Variants in PHF20L1 observed in about 807,000 individuals in gnomAD.
The protein encoded by PHF20L1 is PHD finger protein 20 like 1.
In PHF20L1, 44 loss-of-function variants were observed where a neutral mutation model predicts 125.5. That is an observed-to-expected ratio of 0.35 (90% confidence interval 0.28 to 0.45). The LOEUF is 0.45. Ranked by LOEUF, PHF20L1 falls within the 20% of genes least tolerant of loss-of-function variation. The probability of loss-of-function intolerance (pLI) is 1.00; values close to 1 mark genes in which losing one functional copy is unlikely to be tolerated. For missense variants in PHF20L1, 1,012 were observed against 1,217.2 expected (o/e 0.83, Z 2.51); for synonymous variants, 380 against 403.1 (o/e 0.94, Z 0.69).
chr8:132,829,389 A>C (rs557898549), intron 14 of PHF20L1, among the ~76,000 whole-genome samples: 1 of 152,214 alleles, frequency 6.6e-6, no homozygotes, highest in South Asian at 2.1e-4. Context: ...ATAAATGGTA[A>C]TTGATAGTTT....
At chr8:132,818,180 T>C (rs1294307451) in intron 12 of PHF20L1, 1 of 151,984 alleles carries the variant, frequency 6.6e-6, no homozygotes, top group Admixed American at 6.6e-5. Context: ...TTCCCTTATG[T>C]GGGTGCATTG....
intron 12 of PHF20L1, among the ~76,000 whole-genome samples, chr8:132,820,470 G>C (rs186242427): frequency 1.8e-4 from 27 of 151,916 alleles, no homozygotes; most frequent in Non-Finnish European, 2.9e-4. Context: ...GGGACACAAA[G>C]CTAATAACTG....
chr8:132,814,110 G>A (rs987486464), intron 9 of PHF20L1, among the ~76,000 whole-genome samples: 6 of 151,742 alleles, frequency 4.0e-5, no homozygotes, highest in Non-Finnish European at 8.8e-5. Flanking sequence ...ATGAGTTAAA[G>A]ATAATGTTTT....
At chr8:132,817,196 A>G (rs1332082366) in intron 11 of PHF20L1, 120 bp downstream of exon 11, 1 of 890,710 alleles carries the variant, frequency 1.1e-6, no homozygotes, top group African/African-American at 1.7e-5. Flanking sequence ...AGTTATAAGC[A>G]CTTCACTTAT....
intron 4 of PHF20L1, among the ~76,000 whole-genome samples, chr8:132,797,564 A>G (rs1832550263): frequency 6.6e-6 from 1 of 152,080 alleles, no homozygotes; most frequent in Non-Finnish European, 1.5e-5. Context: ...GAAGACAGAA[A>G]GTTGCAGGAA....
chr8:132,810,380 A>T (rs1392180705), intron 8 of PHF20L1: 1 of 152,122 alleles, frequency 6.6e-6, no homozygotes, highest in African/African-American at 2.4e-5. Context: ...AGTGACATAC[A>T]TAGAAGAAAA....
intron 14 of PHF20L1, among the ~76,000 whole-genome samples, chr8:132,828,922 T>G (rs766585556): frequency 1.2e-4 from 19 of 152,036 alleles, no homozygotes; most frequent in Non-Finnish European, 1.6e-4. Flanking sequence ...GTAAGAGAGA[T>G]AAGCATACAT....
At chr8:132,800,365 T>G (rs1254381876) in intron 6 of PHF20L1, among the ~76,000 whole-genome samples, 1 of 151,698 alleles carries the variant, frequency 6.6e-6, no homozygotes, top group Admixed American at 6.6e-5. Context: ...TTATAATTCT[T>G]AATCACAGCA....
chr8:132,836,774 G>GC lies in PHF20L1; in HGVS notation c.2091+54dup. 3 of 1,269,564 alleles carry GC rather than the reference G, an allele frequency of 2.4e-6. No individual in the cohort carries two copies. The Admixed American group carries it at 5.5e-5, about 23-fold the overall frequency. 78.6% of individuals were successfully genotyped at this position (1,269,564 alleles called of 1,614,324 possible). A position where few individuals can be genotyped will look rare whatever the true frequency, so the allele number is the denominator to read the frequency against. ...ATGAGTTAGTTGTTTCAGGTGCTCA[G>GC]CAAATGCATCACGGTGTTTTATTTC... On this transcript the variant is annotated intron_variant, in intron 16 of 20. Transcript: ENST00000395386.
chr8:132,816,006 A>G (rs936504821), intron 10 of PHF20L1: 3 of 151,876 alleles, frequency 2.0e-5, no homozygotes, highest in African/African-American at 4.8e-5. Context: ...AGTTATCAGC[A>G]TGTCTTTTTC....
At chr8:132,816,767 G>A in intron 10 of PHF20L1, 121 bp from the exon 11 acceptor site, 1 of 690,766 alleles carries the variant, frequency 1.4e-6, no homozygotes. Flanking sequence ...ATTCCTTGTG[G>A]ATATCTTATA....
chr8:132,832,957 C>A (rs1188159211), intron 15 of PHF20L1, among the ~76,000 whole-genome samples: 2 of 152,064 alleles, frequency 1.3e-5, no homozygotes, highest in South Asian at 4.1e-4. Context: ...GCCACGTCAG[C>A]AGTGAAGGGA....
chr8:132,810,933 T>A, intron 8 of PHF20L1, 113 bp from the exon 9 acceptor site: 1 of 726,968 alleles, frequency 1.4e-6, no homozygotes, highest in Non-Finnish European at 2.5e-6. Context: ...TGAGATTACT[T>A]CCTACGTATT....
intron 8 of PHF20L1, among the ~76,000 whole-genome samples, chr8:132,805,732 C>G (rs1049836528): frequency 6.6e-6 from 1 of 151,866 alleles, no homozygotes; most frequent in African/African-American, 2.4e-5. Flanking sequence ...GACTCTGGAG[C>G]TGAGGATTGT....
rs756315628 is a variant in PHF20L1 at position 132,837,817 on chromosome 8, G to T, written c.2191+6G>T. 2.5e-6 allele frequency: 4 copies of T among 1,599,584 alleles called. No homozygotes were observed. The East Asian group carries it at 6.7e-5, about 27-fold the overall frequency. On this transcript the variant is annotated splice_donor_region_variant and intron_variant, in intron 17 of 20. Coordinates refer to ENST00000395386, the MANE Select transcript of PHF20L1 (RefSeq NM_016018.5). Reference sequence around the variant, plus strand: ...TATCTGCCGGGACCCACCAGGTAAGGCTTTCTGTGCCGTGCTGATTGCCAG... The same window carrying T: ...TATCTGCCGGGACCCACCAGGTAAGTCTTTCTGTGCCGTGCTGATTGCCAG...
intron 17 of PHF20L1, 94 bp from the exon 18 acceptor site, chr8:132,839,293 G>A: frequency 2.2e-6 from 2 of 908,304 alleles, no homozygotes; most frequent in Non-Finnish European, 1.8e-6. Flanking sequence ...GCTAGAGCTT[G>A]CCTTGCTTAA....
At chr8:132,790,796 A>G (rs976178961) in intron 2 of PHF20L1, among the ~76,000 whole-genome samples, 2 of 152,190 alleles carry the variant, frequency 1.3e-5, no homozygotes, top group African/African-American at 4.8e-5. Flanking sequence ...GATTAGGTCT[A>G]TATTCTATAT....
chr8:132,832,789 A>ATG (rs1836914668), intron 15 of PHF20L1, among the ~76,000 whole-genome samples: 1 of 152,106 alleles, frequency 6.6e-6, no homozygotes, highest in African/African-American at 2.4e-5. Context: ...GTCTGTCTTA[A>ATG]CTCCGTAGAT....
At position 132,832,289 on chromosome 8, in the gene PHF20L1, C is replaced by T. The variant is rs763091144; in HGVS notation, c.1799C>T (p.Pro600Leu). 6.2e-7 allele frequency: 1 copy of T among 1,607,408 alleles called. No individual in the cohort carries two copies. The highest frequency in any genetic ancestry group is 8.5e-7 in the Non-Finnish European group (1 of 1,174,370). The change falls in exon 15 of 21, where the codon CCA (proline) becomes CTA (leucine). Residue 600 changes from proline to leucine, a missense_variant. Transcript: ENST00000395386. The stretch of plus-strand genomic sequence containing the variant: ...GAATTTTTGGAAAGGTGCTCTTCTC[C>T]ACTAACTCGATCTTCTGGGAGTTCT... ...SLEFLERCSS[P>L]LTRSSGSSLA...
Sources: allele counts gnomAD v4.1 joint callset (sites outside exome capture counted in the v4.1 genomes callset), GRCh38; gene constraint gnomAD v4.1.1; transcripts MANE v1.5; gene names NCBI Gene and HGNC (gene_info 2026-07-23, HGNC 2026-07-21).